The following CERT1 variants were observed in gnomAD, a reference collection of about 807,000 sequenced individuals.
CERT1 encodes ceramide transporter 1.
CERT1 carries 31 observed loss-of-function variants against 87.9 expected under a neutral mutation model. The ratio of observed to expected loss-of-function variants is 0.35; its 90% CI spans 0.27 to 0.48. The LOEUF (loss-of-function observed/expected upper bound fraction) is 0.48. CERT1 is among the 20% of genes least tolerant of loss of function. The probability of loss-of-function intolerance (pLI) is 0.99; values close to 1 mark genes in which losing one functional copy is unlikely to be tolerated. For missense variants in CERT1, 487 were observed against 758.0 expected, an observed-to-expected ratio of 0.64 and a Z score of 4.20; for synonymous variants, 289 against 250.9, an observed-to-expected ratio of 1.15 and a Z score of -1.44.
Position 75,410,993 on chromosome 5 carries a change from C to A in CERT1, c.930+18G>T. ...CATGATCTATGTGTTTCTCTAAGAT[C>A]AAAATATAAATTCATACTTCATAAT... On this transcript the variant is annotated intron_variant, in intron 8 of 16. Transcript: ENST00000643780. The A allele has an allele frequency of 1.4e-6, 2 of 1,384,874 alleles. No homozygotes were observed. The highest frequency in any genetic ancestry group is 2.0e-5 in the Admixed American group (1 of 50,570). 85.8% of individuals were successfully genotyped at this position (1,384,874 alleles called of 1,614,324 possible). A position where few individuals can be genotyped will look rare whatever the true frequency, so the allele number is the denominator to read the frequency against.
intron 2 of CERT1, among the ~76,000 whole-genome samples, chr5:75,503,243 T>C (rs1257718291): frequency 1.3e-5 from 2 of 151,956 alleles, no homozygotes; most frequent in Non-Finnish European, 1.5e-5. Flanking sequence ...TACAGTAAAG[T>C]CACATCAACT....
intron 3 of CERT1, among the ~76,000 whole-genome samples, chr5:75,455,649 G>A (rs1199323787): frequency 6.6e-6 from 1 of 152,014 alleles, no homozygotes; most frequent in African/African-American, 2.4e-5. Flanking sequence ...GACAATCCAC[G>A]GGCGAAAAGA....
At chr5:75,395,281 C>G (rs1260192357) in intron 11 of CERT1, among the ~76,000 whole-genome samples, 3 of 152,182 alleles carry the variant, frequency 2.0e-5, no homozygotes, top group Non-Finnish European at 2.9e-5. Flanking sequence ...TAAATTCTTT[C>G]TATTCTCTGT....
intron 7 of CERT1, among the ~76,000 whole-genome samples, chr5:75,413,349 G>A (rs1033237193): frequency 3.3e-5 from 5 of 152,168 alleles, no homozygotes; most frequent in African/African-American, 1.2e-4. Context: ...CCACATCAGC[G>A]TTAAAGACAG....
chr5:75,422,605 AGAC>A (rs1191530156), intron 5 of CERT1, among the ~76,000 whole-genome samples: 1 of 152,182 alleles, frequency 6.6e-6, no homozygotes, highest in African/African-American at 2.4e-5. Flanking sequence ...TGACAGAGGG[AGAC>A]CCAGTATCAA....
chr5:75,511,914 G>A, upstream of CERT1: 2 of 1,258,922 alleles, frequency 1.6e-6, no homozygotes, highest in Non-Finnish European at 2.2e-6. Context: ...TGAGGTAACG[G>A]GTGAGTATCC....
At chr5:75,380,326 A>G (rs1345778162) in intron 16 of CERT1, among the ~76,000 whole-genome samples, 1 of 152,236 alleles carries the variant, frequency 6.6e-6, no homozygotes, top group African/African-American at 2.4e-5. Context: ...AATGTCAAAG[A>G]GAAATAAATA....
chr5:75,416,808 T>C, intron 7 of CERT1, 68 bp downstream of exon 7: 1 of 1,363,950 alleles, frequency 7.3e-7, no homozygotes, highest in Non-Finnish European at 1.0e-6. Flanking sequence ...TTAGCTTGTT[T>C]TAAATATTCA....
At chr5:75,432,519 GTGTCTGTTCA>G (rs1763914071) in intron 3 of CERT1, among the ~76,000 whole-genome samples, 1 of 152,222 alleles carries the variant, frequency 6.6e-6, no homozygotes, top group African/African-American at 2.4e-5. Flanking sequence ...CTTTTGAGAA[GTGTCTGTTCA>G]TGTCCTTTGC....
chr5:75,471,985 G>C (rs908420227), intron 2 of CERT1, among the ~76,000 whole-genome samples: 1 of 152,102 alleles, frequency 6.6e-6, no homozygotes, highest in African/African-American at 2.4e-5. Context: ...TAAGCAAGAA[G>C]AACAATGCTG....
chr5:75,469,122 T>C (rs1423516718), intron 2 of CERT1, among the ~76,000 whole-genome samples: 1 of 151,276 alleles, frequency 6.6e-6, no homozygotes, highest in African/African-American at 2.4e-5. Context: ...AAATAATAAT[T>C]AAAAGAAAAT....
Position 75,378,063 on chromosome 5 carries a change from G to A in CERT1, c.*1283C>T, listed in dbSNP as rs1761396227. On this transcript the variant is annotated 3_prime_UTR_variant, in exon 17 of 17. Coordinates refer to ENST00000643780, the MANE Select transcript of CERT1 (RefSeq NM_001379029.1). ...CAAAAAGTGTTGGGATTACAGGTGT[G>A]ACCCACTGCACCTGGCCACTTTTGG... 6.6e-6 allele frequency: 1 copy of A among 152,228 alleles called. No individual in the cohort carries two copies. Among genetic ancestry groups the A allele is most frequent in the Admixed American group, 6.5e-5 (1 of 15,276 alleles). 9.4% of individuals were successfully genotyped at this position (152,228 alleles called of 1,614,324 possible). A position where few individuals can be genotyped will look rare whatever the true frequency, so the allele number is the denominator to read the frequency against.
chr5:75,393,602 T>TTAAAAAAAAAAAAAAA, intron 11 of CERT1, among the ~76,000 whole-genome samples: 1 of 32,754 alleles, frequency 3.1e-5, no homozygotes, highest in East Asian at 1.1e-3. Context: ...CTCATCTACT[T>TTAAAAAAAAAAAAAAA]AAAAAAAAAA....
At chr5:75,382,513 G>T (rs368894161) in intron 14 of CERT1, among the ~76,000 whole-genome samples, 1 of 151,724 alleles carries the variant, frequency 6.6e-6, no homozygotes, top group Non-Finnish European at 1.5e-5. Context: ...AATGAAAAAA[G>T]ACTTATTTGA....
At chr5:75,436,682 T>C (rs1245807128) in intron 3 of CERT1, among the ~76,000 whole-genome samples, 1 of 152,142 alleles carries the variant, frequency 6.6e-6, no homozygotes, top group Non-Finnish European at 1.5e-5. Flanking sequence ...AATATAATAA[T>C]ACCCCCTACA....
At chr5:75,471,651 C>T (rs1336292145) in intron 2 of CERT1, among the ~76,000 whole-genome samples, 5 of 147,424 alleles carry the variant, frequency 3.4e-5, no homozygotes, top group East Asian at 4.1e-4. Flanking sequence ...CCCAGCTACT[C>T]GGGAGGCTGA....
intron 13 of CERT1, 28 bp from the exon 14 acceptor site, chr5:75,384,740 AT>A: frequency 1.4e-5 from 20 of 1,384,118 alleles, no homozygotes; most frequent in Non-Finnish European, 1.8e-5. Flanking sequence ...ATAAAAAGAT[AT>A]ATTATCTTTT....
intron 2 of CERT1, among the ~76,000 whole-genome samples, chr5:75,474,740 G>A (rs1223012695): frequency 6.6e-6 from 1 of 152,144 alleles, no homozygotes; most frequent in African/African-American, 2.4e-5. Flanking sequence ...TCAATTGTAA[G>A]TGAATTAAAA....
intron 5 of CERT1, among the ~76,000 whole-genome samples, chr5:75,421,044 A>G (rs1469961015): frequency 1.3e-5 from 2 of 152,166 alleles, no homozygotes; most frequent in Non-Finnish European, 2.9e-5. Context: ...CCTGAGCTCA[A>G]GCAATCTGCC....
Sources: gnomAD v4.1 joint callset for allele counts (sites outside exome capture counted in the v4.1 genomes callset) on GRCh38, gnomAD v4.1.1 for gene constraint, MANE v1.5 for transcripts, NCBI Gene and HGNC (gene_info 2026-07-23, HGNC 2026-07-21) for gene names.